The following SPOCK1 variants were observed in gnomAD, a reference collection of about 807,000 sequenced individuals.
SPOCK1 encodes the protein testican-1.
Under a neutral mutation model 55.3 loss-of-function variants are expected in SPOCK1, and 23 were observed. That is an observed-to-expected ratio of 0.42 (90% CI 0.30 to 0.59). SPOCK1 has a LOEUF of 0.59. SPOCK1 is among the 20% of genes least tolerant of loss of function. SPOCK1 has a pLI of 0.22. For missense variants in SPOCK1, 499 were observed against 552.5 expected, an observed-to-expected ratio of 0.90 and a Z score of 0.97; for synonymous variants, 226 against 221.0, an observed-to-expected ratio of 1.02 and a Z score of -0.20.
intron 3 of SPOCK1, among the ~76,000 whole-genome samples, chr5:137,262,029 T>C (rs928210604): frequency 1.3e-5 from 2 of 152,242 alleles, no homozygotes; most frequent in East Asian, 1.9e-4. Flanking sequence ...AAAATCCTTT[T>C]GTTCAGCAAA....
chr5:137,485,284 C>T (rs928239827), intron 2 of SPOCK1, among the ~76,000 whole-genome samples: 1 of 152,124 alleles, frequency 6.6e-6, no homozygotes, highest in African/African-American at 2.4e-5. Context: ...TATCTTTAAC[C>T]GTGTTGCTTT....
intron 3 of SPOCK1, among the ~76,000 whole-genome samples, chr5:137,201,227 G>C (rs1051402399): frequency 1.3e-5 from 2 of 152,130 alleles, no homozygotes; most frequent in Non-Finnish European, 2.9e-5. Flanking sequence ...CAGCAGAGAA[G>C]CATGCTGCCC....
At chr5:137,190,238 G>T (rs985979012) in intron 3 of SPOCK1, among the ~76,000 whole-genome samples, 21 of 152,154 alleles carry the variant, frequency 1.4e-4, no homozygotes, top group African/African-American at 4.8e-4. Flanking sequence ...AAAACGCCAT[G>T]AAACAGCACA....
In SPOCK1 at chr5:137,084,806, C is replaced by T. The variant is rs367738117; in HGVS notation, c.475-16977G>A. Among the ~76,000 whole-genome samples the T allele has an allele frequency of 2.0e-5, 3 of 152,084 alleles. No individual in the cohort carries two copies. The South Asian group carries it at 6.2e-4, about 32-fold the overall frequency. On this transcript the variant is annotated intron_variant, in intron 5 of 10. Coordinates refer to ENST00000394945, the MANE Select transcript of SPOCK1 (RefSeq NM_004598.4). ...TGAAAGTCCTCTCAGCTGCCACTGA[C>T]CCAGGGCTGCCTTTACCTTTCCATG... is the stretch of plus-strand genomic sequence containing the variant.
intron 2 of SPOCK1, among the ~76,000 whole-genome samples, chr5:137,467,978 T>C (rs1246122073): frequency 1.3e-5 from 2 of 152,190 alleles, no homozygotes; most frequent in Non-Finnish European, 2.9e-5. Context: ...TAAAATCCAC[T>C]TTGGTTTCAA....
At chr5:137,099,205 AG>A (rs1324947166) in intron 5 of SPOCK1, among the ~76,000 whole-genome samples, 1 of 152,170 alleles carries the variant, frequency 6.6e-6, no homozygotes, top group Non-Finnish European at 1.5e-5. Flanking sequence ...TCAGTGAGGG[AG>A]GGTACCAGCA....
At chr5:137,191,525 A>T (rs1366036012) in intron 3 of SPOCK1, among the ~76,000 whole-genome samples, 2 of 152,196 alleles carry the variant, frequency 1.3e-5, no homozygotes, top group Admixed American at 6.5e-5. Context: ...AATAAAGTAG[A>T]TTTCATCCAG....
chr5:137,311,071 A>C (rs1275022994), intron 2 of SPOCK1, among the ~76,000 whole-genome samples: 1 of 152,232 alleles, frequency 6.6e-6, no homozygotes, highest in Non-Finnish European at 1.5e-5. Flanking sequence ...CCTCTTAAAA[A>C]GCACATTTCC....
chr5:136,985,639 G>A (rs914024820), intron 8 of SPOCK1, among the ~76,000 whole-genome samples: 3 of 152,100 alleles, frequency 2.0e-5, no homozygotes, highest in Non-Finnish European at 4.4e-5. Flanking sequence ...GATAGGAATG[G>A]TTACTTCAGA....
chr5:137,204,141 T>G (rs1755479001), intron 3 of SPOCK1, among the ~76,000 whole-genome samples: 1 of 152,226 alleles, frequency 6.6e-6, no homozygotes, highest in South Asian at 2.1e-4. Context: ...TAACTACTCC[T>G]AACTCTTGGT....
At chr5:137,369,327 C>T (rs1021492572) in intron 2 of SPOCK1, among the ~76,000 whole-genome samples, 1 of 152,170 alleles carries the variant, frequency 6.6e-6, no homozygotes, top group African/African-American at 2.4e-5. Context: ...GTTTCCATCC[C>T]GGGCTGTCAT....
rs374274510 is a variant in SPOCK1, at chr5:136,992,579, C to T, written c.611G>A (p.Arg204Gln). The change falls in exon 7 of 11, where the codon CGG becomes CAG. Residue 204 changes from arginine to glutamine, a missense_variant. By Grantham distance (43) the Arg-to-Gln change is conservative. Coordinates refer to ENST00000394945, the MANE Select transcript of SPOCK1 (RefSeq NM_004598.4). ...ERSACTDKEL[R>Q]NLASRLKDWF... ...ATCCTTCAGCCGGGAGGCAAGGTTCCGCAACTCCTTGTCTGTGCAGGCTAG... is the reference window on the plus strand; with the variant it reads ...ATCCTTCAGCCGGGAGGCAAGGTTCTGCAACTCCTTGTCTGTGCAGGCTAG... 2.7e-5 allele frequency: 43 copies of T among 1,613,674 alleles called. No homozygotes were observed. The highest frequency in any genetic ancestry group is 1.8e-4 in the South Asian group (16 of 91,032).
At chr5:137,417,308 C>T (rs749098216) in intron 2 of SPOCK1, among the ~76,000 whole-genome samples, 5 of 145,138 alleles carry the variant, frequency 3.4e-5, no homozygotes, top group African/African-American at 5.0e-5. Flanking sequence ...TTTACTCTGA[C>T]GTTCAGGTGT....
intron 6 of SPOCK1, among the ~76,000 whole-genome samples, chr5:137,027,717 C>T (rs555852661): frequency 1.3e-5 from 2 of 152,226 alleles, no homozygotes; most frequent in African/African-American, 4.8e-5. Context: ...CTTCCATCAA[C>T]CCCCTTGCAG....
At chr5:137,121,677 A>G (rs1301846265) in intron 4 of SPOCK1, among the ~76,000 whole-genome samples, 8 of 146,618 alleles carry the variant, frequency 5.5e-5, no homozygotes, top group Non-Finnish European at 4.5e-5. Context: ...AAAATTATAT[A>G]TTATATATTT....
At chr5:137,435,665 C>T (rs1217466498) in intron 2 of SPOCK1, among the ~76,000 whole-genome samples, 1 of 151,994 alleles carries the variant, frequency 6.6e-6, no homozygotes, top group East Asian at 1.9e-4. Flanking sequence ...AGATTTTTTT[C>T]GTGTTTATTA....
intron 2 of SPOCK1, among the ~76,000 whole-genome samples, chr5:137,414,298 A>G (rs911394491): frequency 1.3e-5 from 2 of 152,216 alleles, no homozygotes; most frequent in African/African-American, 4.8e-5. Flanking sequence ...GTGGCAAAAG[A>G]GAGTGACCAG....
At chr5:137,445,035 T>C (rs1753093376) in intron 2 of SPOCK1, among the ~76,000 whole-genome samples, 1 of 152,144 alleles carries the variant, frequency 6.6e-6, no homozygotes, top group Non-Finnish European at 1.5e-5. Flanking sequence ...AGAATGGCCA[T>C]GGAGGAGCCC....
At chr5:137,044,515 G>GA (rs1311115937) in intron 6 of SPOCK1, among the ~76,000 whole-genome samples, 1 of 152,030 alleles carries the variant, frequency 6.6e-6, no homozygotes, top group Non-Finnish European at 1.5e-5. Flanking sequence ...TTTAAAAGGC[G>GA]TATTTTTTTG....
Sources: gnomAD v4.1 joint callset for allele counts (sites outside exome capture counted in the v4.1 genomes callset) on GRCh38, gnomAD v4.1.1 for gene constraint, MANE v1.5 for transcripts, NCBI Gene and HGNC (gene_info 2026-07-23, HGNC 2026-07-21) for gene names.